Variants in PCDH11X observed in about 807,000 individuals in gnomAD.
PCDH11X encodes the protein protocadherin 11 X-linked, also known as protocadherin-11 X-linked.
Under a neutral mutation model 53.3 loss-of-function variants are expected in PCDH11X, and 18 were observed. That is an observed-to-expected ratio of 0.34 (90% CI 0.23 to 0.50). The LOEUF is 0.50. Among genes scored for constraint, PCDH11X ranks in the 20% least tolerant of loss-of-function variants. The pLI, the probability that PCDH11X is intolerant of heterozygous loss-of-function variation, is 0.98. For missense variants in PCDH11X, 570 were observed against 1,032.4 expected, an observed-to-expected ratio of 0.55 and a Z score of 6.14; for synonymous variants, 279 against 393.3, an observed-to-expected ratio of 0.71 and a Z score of 3.44.
intron 10 of PCDH11X, among the ~76,000 whole-genome samples, chrX:92,521,176 C>G (rs188242553): frequency 1.5e-3 from 171 of 111,906 alleles, no homozygotes; most frequent in African/African-American, 5.3e-3. Context: ...ATTTATTTTA[C>G]ACAGATGTAT....
chrX:92,593,128 A>C (rs1925202241), intron 10 of PCDH11X, among the ~76,000 whole-genome samples: 1 of 110,806 alleles, frequency 9.0e-6, no homozygotes, highest in East Asian at 2.8e-4. Context: ...ATGTTTTTAA[A>C]GTTTATACAT....
At chrX:92,264,160 T>C (rs1335762144) in intron 8 of PCDH11X, among the ~76,000 whole-genome samples, 1 of 112,478 alleles carries the variant, frequency 8.9e-6, no homozygotes, top group East Asian at 2.8e-4. Flanking sequence ...AAGTAATCTG[T>C]TCACCTTGGA....
At chrX:92,189,728 T>A (rs987734079) in intron 6 of PCDH11X, among the ~76,000 whole-genome samples, 1 of 112,050 alleles carries the variant, frequency 8.9e-6, no homozygotes, top group Admixed American at 9.5e-5. Flanking sequence ...CAGCATCTAT[T>A]TTTTCTTGAT....
At chrX:92,312,023 A>G (rs188262079) in intron 8 of PCDH11X, among the ~76,000 whole-genome samples, 1 of 111,325 alleles carries the variant, frequency 9.0e-6, no homozygotes, top group East Asian at 2.8e-4. Context: ...AAAATTAAGT[A>G]TATGTATTCT....
intron 5 of PCDH11X, among the ~76,000 whole-genome samples, chrX:91,861,109 G>A (rs1938641122): frequency 9.0e-6 from 1 of 110,834 alleles, no homozygotes; most frequent in South Asian, 3.8e-4. Context: ...TCTGGTCCTG[G>A]GCTTTGTTTT....
intron 6 of PCDH11X, among the ~76,000 whole-genome samples, chrX:91,894,166 A>G (rs1017579530): frequency 1.1e-4 from 12 of 112,056 alleles, no homozygotes; most frequent in Non-Finnish European, 1.7e-4. Flanking sequence ...CTCTTTTTGT[A>G]AAGGAAATGA....
intron 8 of PCDH11X, among the ~76,000 whole-genome samples, chrX:92,320,414 T>C (rs2069174019): frequency 9.3e-6 from 1 of 107,547 alleles, no homozygotes; most frequent in Admixed American, 1.0e-4. Context: ...CTCTCTTTCT[T>C]TCTCTCTCTC....
chrX:92,445,522 T>C (rs1441535014), intron 9 of PCDH11X, among the ~76,000 whole-genome samples: 1 of 107,840 alleles, frequency 9.3e-6, no homozygotes, highest in East Asian at 2.9e-4. Context: ...TCATAAATTA[T>C]GAGGGGTTAA....
intron 6 of PCDH11X, chrX:91,983,244 C>A: frequency 1.2e-6 from 1 of 839,863 alleles, no homozygotes; most frequent in Admixed American, 2.2e-5. Context: ...AGCTGATCTT[C>A]CACAGTCATC....
chrX:92,017,821 G>T (rs1403506754), intron 6 of PCDH11X, among the ~76,000 whole-genome samples: 3 of 102,480 alleles, frequency 2.9e-5, no homozygotes, highest in Non-Finnish European at 5.9e-5. Context: ...ATGAAAAATG[G>T]CACCAGTAGA....
At chrX:92,054,904 G>A (rs1233471609) in intron 6 of PCDH11X, among the ~76,000 whole-genome samples, 1 of 97,612 alleles carries the variant, frequency 1.0e-5, no homozygotes, top group Non-Finnish European at 2.0e-5. Context: ...CTTTGAAACT[G>A]AAAACACATG....
In PCDH11X at chrX:91,818,698, C is replaced by CAA. The variant is rs71845262; in HGVS notation, c.-45+7416_-45+7417dup. Among the ~76,000 whole-genome samples the CAA allele has an allele frequency of 4.5e-3, 432 of 96,127 alleles. 1 individual carries two copies. Among genetic ancestry groups the CAA allele is most frequent in the African/African-American group, 9.7e-3 (265 of 27,450 alleles). The allele number at this position is 96,127 out of a possible 115,157, so 83.5% of individuals were successfully genotyped here. ...TGGGTGACAGAGCGAGACTCTATCT[C>CAA]AAAAAAAAAAAAAATGTATTGGTAT... On this transcript the variant is annotated intron_variant, in intron 4 of 10. Transcript: ENST00000682573.
intron 7 of PCDH11X, among the ~76,000 whole-genome samples, chrX:92,208,250 A>G (rs2066513394): frequency 9.5e-6 from 1 of 105,313 alleles, no homozygotes; most frequent in Admixed American, 1.0e-4. Context: ...TAAATTTACT[A>G]TATATTAGGC....
intron 10 of PCDH11X, among the ~76,000 whole-genome samples, chrX:92,537,460 A>G (rs2074680644): frequency 9.0e-6 from 1 of 110,704 alleles, no homozygotes; most frequent in Admixed American, 9.7e-5. Flanking sequence ...GATTCAATGC[A>G]ATCTCTATCA....
chrX:92,621,154 G>C lies in PCDH11X; in HGVS notation c.*2214G>C, dbSNP rs200126849. On this transcript the variant is annotated 3_prime_UTR_variant, in exon 11 of 11. Transcript: ENST00000682573. ...TACACACACACACACACACACACGT[G>C]CACACACACACACATTTAAATGATA... 1 of 76,703 alleles carries C rather than the reference G, an allele frequency of 1.3e-5. No homozygotes were observed. The highest frequency in any genetic ancestry group is 2.4e-5 in the Non-Finnish European group (1 of 41,806). 6.3% of individuals were successfully genotyped at this position (76,703 alleles called of 1,213,427 possible).
chrX:92,303,123 C>T (rs1441430626), intron 8 of PCDH11X, among the ~76,000 whole-genome samples: 1 of 109,289 alleles, frequency 9.2e-6, no homozygotes, highest in Non-Finnish European at 1.9e-5. Context: ...GGTATGAGAG[C>T]ATTTGAACTT....
intron 10 of PCDH11X, among the ~76,000 whole-genome samples, chrX:92,594,181 C>A (rs1183669923): frequency 9.9e-6 from 1 of 100,965 alleles, no homozygotes; most frequent in East Asian, 3.1e-4. Context: ...TCCTTTTGGG[C>A]TAAATAAATG....
intron 6 of PCDH11X, among the ~76,000 whole-genome samples, chrX:91,910,502 A>G (rs1253385036): frequency 9.0e-6 from 1 of 111,700 alleles, no homozygotes; most frequent in Non-Finnish European, 1.9e-5. Flanking sequence ...ACAAAAAAAG[A>G]CCATTTTCTC....
chrX:92,460,919 T>A, intron 9 of PCDH11X: 1 of 1,098,801 alleles, frequency 9.1e-7, no homozygotes, highest in Non-Finnish European at 1.2e-6. Flanking sequence ...AAGTGGTGTC[T>A]GAGACCAACA....
Sources: allele counts gnomAD v4.1 joint callset (sites outside exome capture counted in the v4.1 genomes callset), GRCh38; gene constraint gnomAD v4.1.1; transcripts MANE v1.5; gene names NCBI Gene and HGNC (gene_info 2026-07-23, HGNC 2026-07-21).